Variants in AHCY observed in about 807,000 individuals in gnomAD.
The protein encoded by AHCY is adenosylhomocysteinase, also known as S-adenosyl-L-homocysteine hydrolase.
Under a neutral mutation model 45.4 loss-of-function variants are expected in AHCY, and 24 were observed. That is an observed-to-expected ratio of 0.53 (90% CI 0.38 to 0.74). The LOEUF (loss-of-function observed/expected upper bound fraction) is 0.74, where lower values mean the gene tolerates loss of function less well. Ranked by LOEUF, AHCY falls within the 30% of genes least tolerant of loss-of-function variation. The pLI, the probability that AHCY is intolerant of heterozygous loss-of-function variation, is 0.00. For synonymous variants in AHCY, 245 were observed against 235.1 expected, an observed-to-expected ratio of 1.04 and a Z score of -0.39; for missense variants, 449 against 594.1, an observed-to-expected ratio of 0.76 and a Z score of 2.54.
intron 1 of AHCY, among the ~76,000 whole-genome samples, chr20:34,296,450 A>G (rs2036580377): frequency 6.6e-6 from 1 of 152,234 alleles, no homozygotes; most frequent in Non-Finnish European, 1.5e-5. Flanking sequence ...GCCACCTAAA[A>G]TACTAATCTA....
At chr20:34,307,337 G>C (rs1362275391), upstream of AHCY, among the ~76,000 whole-genome samples, 1 of 151,990 alleles carries the variant, frequency 6.6e-6, no homozygotes, top group Non-Finnish European at 1.5e-5. Context: ...TGATCCACCT[G>C]CTTCAGCCTC....
chr20:34,260,947 T>C, the AHCY span, among the ~76,000 whole-genome samples: 2 of 152,210 alleles, frequency 1.3e-5, no homozygotes, highest in Non-Finnish European at 2.9e-5. Flanking sequence ...TGAGGGGCAC[T>C]GGAGCCTGGC....
intron 1 of AHCY, among the ~76,000 whole-genome samples, chr20:34,297,421 C>T (rs1601676187): frequency 6.6e-6 from 1 of 152,234 alleles, no homozygotes; most frequent in Middle Eastern, 3.4e-3. Context: ...CCTCAGCCTC[C>T]CCAATAGCTG....
At chr20:34,301,708 T>C (rs2036777885) in intron 1 of AHCY, 2 of 670,408 alleles carry the variant, frequency 3.0e-6, no homozygotes, top group African/African-American at 3.9e-5. Context: ...CTCTCCACAG[T>C]ATGACAAGCC....
At chr20:34,257,719 G>A in the AHCY span, among the ~76,000 whole-genome samples, 1 of 152,090 alleles carries the variant, frequency 6.6e-6, no homozygotes, top group African/African-American at 2.4e-5. Context: ...CACAATCCAA[G>A]TTTACCAGTC....
the AHCY span, among the ~76,000 whole-genome samples, chr20:34,265,353 T>C: frequency 2.6e-5 from 4 of 151,828 alleles, no homozygotes; most frequent in Non-Finnish European, 5.9e-5. Flanking sequence ...TGAAACCTCA[T>C]CTCTACAAAA....
chr20:34,303,287 A>T lies in AHCY; in HGVS notation c.-17T>A. 1 of 1,551,734 alleles carries T rather than the reference A, an allele frequency of 6.4e-7. No homozygotes were observed. ...GTCAGACATGCTGGCGGCACTCGTG[A>T]TGGAAACGGGCGAAGGGGGCTGGGC... On this transcript the variant is annotated 5_prime_UTR_variant, in exon 1 of 10. Coordinates refer to ENST00000217426, the MANE Select transcript of AHCY (RefSeq NM_000687.4).
chr20:34,234,464 T>G, the AHCY span, among the ~76,000 whole-genome samples: 7 of 152,110 alleles, frequency 4.6e-5, no homozygotes, highest in East Asian at 3.8e-4. Context: ...CTATCAGCTT[T>G]CTTTCTTTCT....
intron 2 of AHCY, among the ~76,000 whole-genome samples, chr20:34,294,641 CA>C: frequency 6.6e-6 from 1 of 152,186 alleles, no homozygotes; most frequent in East Asian, 1.9e-4. Context: ...TCCATTTACT[CA>C]GGTGGGGAAG....
rs1353838106 is a variant in AHCY, at chr20:34,303,326, C to T, written c.-56G>A. 1.4e-5 allele frequency: 21 copies of T among 1,551,032 alleles called. No individual in the cohort carries two copies. The highest frequency in any genetic ancestry group is 2.0e-5 in the Admixed American group (1 of 50,990). On this transcript the variant is annotated 5_prime_UTR_variant, in exon 1 of 10. Transcript: ENST00000217426. The stretch of plus-strand genomic sequence containing the variant: ...AGGGGGCTGGGCCTCAGTCTGGGAA[C>T]AGGAACTGGGCGGGCAGCGCCGAGC...
At chr20:34,292,719 T>C (rs1478095772) in intron 3 of AHCY, among the ~76,000 whole-genome samples, 2 of 152,230 alleles carry the variant, frequency 1.3e-5, no homozygotes, top group African/African-American at 4.8e-5. Context: ...CTGTGTGACC[T>C]TGGGCAAATC....
chr20:34,240,995 C>T, the AHCY span, among the ~76,000 whole-genome samples: 1 of 152,158 alleles, frequency 6.6e-6, no homozygotes, highest in Non-Finnish European at 1.5e-5. Flanking sequence ...ATCCTGGGAT[C>T]TTTAAAAAAT....
chr20:34,269,394 T>C, the AHCY span: 7 of 543,882 alleles, frequency 1.3e-5, no homozygotes, highest in African/African-American at 1.4e-4. Flanking sequence ...CTCGGTCCCT[T>C]CGCCACGGAG....
intron 3 of AHCY, among the ~76,000 whole-genome samples, chr20:34,293,134 T>C (rs1287126833): frequency 2.0e-5 from 3 of 152,232 alleles, no homozygotes; most frequent in African/African-American, 2.4e-5. Flanking sequence ...TTCTTCCTCA[T>C]AGAAACCCTG....
chr20:34,256,928 G>C, the AHCY span, among the ~76,000 whole-genome samples: 6 of 151,910 alleles, frequency 3.9e-5, no homozygotes, highest in African/African-American at 1.5e-4. Context: ...ACACAGTCTT[G>C]TGCCGCCACT....
the AHCY span, among the ~76,000 whole-genome samples, chr20:34,260,109 C>T: frequency 6.6e-5 from 10 of 151,948 alleles, no homozygotes; most frequent in African/African-American, 2.4e-4. Flanking sequence ...GAGACCAGTG[C>T]AATGCATTGC....
chr20:34,260,727 T>C, the AHCY span, among the ~76,000 whole-genome samples: 2 of 152,244 alleles, frequency 1.3e-5, no homozygotes, highest in South Asian at 2.1e-4. Flanking sequence ...ACCAGTCTAA[T>C]AAGCAGCTTA....
chr20:34,292,633 A>G (rs2036437389), intron 3 of AHCY, 126 bp from the exon 4 acceptor site: 1 of 1,377,086 alleles, frequency 7.3e-7, no homozygotes, highest in Admixed American at 1.8e-5. Context: ...GGCCCCTCTG[A>G]AAACTCAGCA....
the AHCY span, among the ~76,000 whole-genome samples, chr20:34,261,187 G>A: frequency 6.6e-6 from 1 of 152,132 alleles, no homozygotes; most frequent in African/African-American, 2.4e-5. Flanking sequence ...TTACTACCTC[G>A]GCTTTTGCTA....
Sources: gnomAD v4.1 joint callset for allele counts (sites outside exome capture counted in the v4.1 genomes callset) on GRCh38, gnomAD v4.1.1 for gene constraint, MANE v1.5 for transcripts, NCBI Gene and HGNC (gene_info 2026-07-23, HGNC 2026-07-21) for gene names.